Variants in FMN1 observed in about 807,000 individuals in gnomAD.
The protein encoded by FMN1 is formin 1, also known as formin-1.
In FMN1, 110 loss-of-function variants were observed where a neutral mutation model predicts 132.4. That is an observed-to-expected ratio of 0.83 (90% CI 0.71 to 0.97). The LOEUF (loss-of-function observed/expected upper bound fraction) is 0.97. Ranked by LOEUF, FMN1 falls within the 50% of genes least tolerant of loss-of-function variation. The pLI is 0.00. For missense variants in FMN1, 1,792 were observed against 1,705.3 expected, an observed-to-expected ratio of 1.05 and a Z score of -0.90; for synonymous variants, 722 against 651.7, an observed-to-expected ratio of 1.11 and a Z score of -1.64.
intron 7 of FMN1, among the ~76,000 whole-genome samples, chr15:33,002,543 C>T (rs2034177756): frequency 6.6e-6 from 1 of 152,006 alleles, no homozygotes; most frequent in Non-Finnish European, 1.5e-5. Context: ...TCAGTATCAC[C>T]CAGAGTACAG....
intron 4 of FMN1, 91 bp from the exon 5 acceptor site, chr15:33,089,065 T>TAG (rs1265984534): frequency 2.8e-5 from 29 of 1,029,418 alleles, no homozygotes; most frequent in Non-Finnish European, 3.5e-5. Flanking sequence ...CATAGACTTC[T>TAG]CTATGCTAGC....
rs201255763 is a variant in FMN1 at position 33,008,057 on chromosome 15, A to G, written c.2180T>C (p.Leu727Ser). The G allele has an allele frequency of 1.1e-4, 178 of 1,598,802 alleles. No homozygotes were observed. Among genetic ancestry groups the G allele is most frequent in the Non-Finnish European group, 1.4e-4 (166 of 1,171,708 alleles). The change falls in exon 7 of 21, where the codon TTA becomes TCA. Residue 727 changes from leucine (L) to serine (S), a missense_variant. Leu to Ser is a moderately radical substitution (Grantham distance 145). This residue lies in a region of FMN1 where 1,150 missense variants were observed against 1,043.1 expected (regional missense o/e 1.10). Coordinates refer to ENST00000616417, the MANE Select transcript of FMN1 (RefSeq NM_001277313.2). Reference protein sequence around the residue: ...YTEAEYQAAILHLKREHKEEI... With the variant: ...YTEAEYQAAISHLKREHKEEI... ...TTCTTTGTGCTCCCTCTTCAAGTGT[A>G]AAATAGCAGCTTGGTATTCTGTAAA...
intron 17 of FMN1, among the ~76,000 whole-genome samples, chr15:32,828,941 CA>C (rs2058436798): frequency 6.6e-6 from 1 of 152,126 alleles, no homozygotes; most frequent in Non-Finnish European, 1.5e-5. Flanking sequence ...TGACCTAAGG[CA>C]AAACTCTTTA....
intron 10 of FMN1, among the ~76,000 whole-genome samples, chr15:32,916,746 G>C (rs1164502809): frequency 2.0e-5 from 3 of 152,176 alleles, no homozygotes; most frequent in Non-Finnish European, 1.5e-5. Context: ...AAGTTTGATA[G>C]GATTACTTGA....
intron 17 of FMN1, among the ~76,000 whole-genome samples, chr15:32,851,510 G>C (rs1246466995): frequency 6.6e-6 from 1 of 152,118 alleles, no homozygotes; most frequent in African/African-American, 2.4e-5. Context: ...GCCTGCACAA[G>C]GTTATTCTGA....
At chr15:32,823,355 A>T (rs145480065) in intron 17 of FMN1, among the ~76,000 whole-genome samples, 43 of 151,764 alleles carry the variant, frequency 2.8e-4, no homozygotes, top group African/African-American at 8.7e-4. Flanking sequence ...TAGTAGAGAC[A>T]GGGTTTCACG....
At chr15:33,108,525 TAAAC>T (rs146986428) in intron 4 of FMN1, among the ~76,000 whole-genome samples, 3,379 of 152,090 alleles carry the variant, frequency 0.022, 117 homozygotes, top group African/African-American at 0.078. Context: ...ACTCTGCTAT[TAAAC>T]AACAAGAGGC....
rs1474536657 is a variant in FMN1, at chr15:32,769,462, C to G, written c.*4848G>C. Reference sequence around the variant, plus strand: ...TGACACAAAATGGGCTTCCCAGTCACAGACAAGCTGTGTAACTGAGCCCGG... The same window carrying G: ...TGACACAAAATGGGCTTCCCAGTCAGAGACAAGCTGTGTAACTGAGCCCGG... On this transcript the variant is annotated 3_prime_UTR_variant, in exon 21 of 21. Coordinates refer to ENST00000616417, the MANE Select transcript of FMN1 (RefSeq NM_001277313.2). 1 of 152,186 alleles carries G rather than the reference C, an allele frequency of 6.6e-6. No individual in the cohort carries two copies. Among genetic ancestry groups the G allele is most frequent in the Non-Finnish European group, 1.5e-5 (1 of 68,042 alleles). 9.4% of individuals were successfully genotyped at this position (152,186 alleles called of 1,614,324 possible). A position where few individuals can be genotyped will look rare whatever the true frequency, so the allele number is the denominator to read the frequency against.
intron 4 of FMN1, among the ~76,000 whole-genome samples, chr15:33,128,487 T>C (rs966148634): frequency 2.6e-5 from 4 of 152,188 alleles, no homozygotes; most frequent in African/African-American, 9.6e-5. Flanking sequence ...AAAAGCCTCA[T>C]GCAAGTTCTC....
chr15:32,798,857 G>A lies in FMN1; in HGVS notation c.4077C>T (p.Cys1359=), dbSNP rs2057380917. Residue 1359 remains cysteine (C), a synonymous_variant, in exon 19 of 21, where the codon TGC becomes TGT. Coordinates refer to ENST00000616417, the MANE Select transcript of FMN1 (RefSeq NM_001277313.2). ...GTTTCCAAATTGTCTTGAAGTCACT[G>A]CAGAACTCATACCACACCATAAACA... ...SYVFMVWYEF[C]SDFKTIWKRE... is the part of the protein sequence containing the mutation. 6.2e-7 allele frequency: 1 copy of A among 1,613,530 alleles called. No homozygotes were observed. Among genetic ancestry groups the A allele is most frequent in the Non-Finnish European group, 8.5e-7 (1 of 1,179,736 alleles).
In FMN1 at chr15:32,772,140, A is replaced by G. The variant is rs2056267528; in HGVS notation, c.*2170T>C. On this transcript the variant is annotated 3_prime_UTR_variant, in exon 21 of 21. Coordinates refer to ENST00000616417, the MANE Select transcript of FMN1 (RefSeq NM_001277313.2). The stretch of plus-strand genomic sequence containing the variant: ...TAGGATGAAATCCAAAGTGGGCTGT[A>G]TTTGTCTAACTCTCAAATTAAGTGT... The G allele has an allele frequency of 6.6e-6, 1 of 152,198 alleles. No individual in the cohort carries two copies. Among genetic ancestry groups the G allele is most frequent in the Non-Finnish European group, 1.5e-5 (1 of 68,032 alleles). The allele number at this position is 152,198 out of a possible 1,614,324, so 9.4% of individuals were successfully genotyped here.
intron 7 of FMN1, among the ~76,000 whole-genome samples, chr15:32,988,311 C>T (rs1566795948): frequency 6.6e-6 from 1 of 152,076 alleles, no homozygotes; most frequent in Non-Finnish European, 1.5e-5. Flanking sequence ...ATTTTACAAC[C>T]TTTTAATCTT....
intron 17 of FMN1, among the ~76,000 whole-genome samples, chr15:32,808,331 C>G (rs1475377356): frequency 1.3e-5 from 2 of 152,190 alleles, no homozygotes; most frequent in Non-Finnish European, 2.9e-5. Flanking sequence ...ATCACAGTGT[C>G]CTGTGTTTCA....
intron 7 of FMN1, among the ~76,000 whole-genome samples, chr15:32,974,786 C>T (rs1279372641): frequency 9.0e-6 from 1 of 110,834 alleles, no homozygotes; most frequent in Non-Finnish European, 2.2e-5. Context: ...GTTCTTTTGG[C>T]AATGACTTTC....
At chr15:33,193,381 TAGAGAA>T (rs2140367695) in intron 2 of FMN1, among the ~76,000 whole-genome samples, 1 of 152,276 alleles carries the variant, frequency 6.6e-6, no homozygotes, top group African/African-American at 2.4e-5. Context: ...CTACCTGGTG[TAGAGAA>T]CAGAATATAA....
At chr15:33,048,083 T>C (rs535932426) in intron 6 of FMN1, among the ~76,000 whole-genome samples, 1 of 152,176 alleles carries the variant, frequency 6.6e-6, no homozygotes, top group East Asian at 1.9e-4. Context: ...TGGTAATCTT[T>C]GGGAAATAAA....
intron 8 of FMN1, 65 bp downstream of exon 8, chr15:32,968,649 T>A (rs2031468391): frequency 1.3e-6 from 2 of 1,598,838 alleles, no homozygotes; most frequent in East Asian, 2.2e-5. Context: ...CCGGTAAGAA[T>A]AAAATATCAC....
chr15:32,991,665 G>A (rs1307983516), intron 7 of FMN1, among the ~76,000 whole-genome samples: 1 of 152,068 alleles, frequency 6.6e-6, no homozygotes, highest in East Asian at 1.9e-4. Context: ...AACTTTAAAT[G>A]GCTAAAATCG....
At chr15:32,857,199 A>T (rs1313204516) in intron 16 of FMN1, 92 bp from the exon 17 acceptor site, 1 of 944,396 alleles carries the variant, frequency 1.1e-6, no homozygotes, top group East Asian at 2.4e-5. Context: ...TTGGCTATCA[A>T]TTGTGCACAC....
Sources: gnomAD v4.1 joint callset for allele counts (sites outside exome capture counted in the v4.1 genomes callset) on GRCh38, gnomAD v4.1.1 for gene constraint, gnomAD v4.1.1 regional missense constraint, MANE v1.5 for transcripts, NCBI Gene and HGNC (gene_info 2026-07-23, HGNC 2026-07-21) for gene names.